The following RCBTB1 variants were observed in gnomAD, a reference collection of about 807,000 sequenced individuals.
RCBTB1 encodes the protein RCC1 and BTB domain containing protein 1, also known as RCC1 and BTB domain-containing protein 1.
A neutral mutation model predicts 62.4 loss-of-function variants in RCBTB1; 46 were observed. The ratio of observed to expected loss-of-function variants is 0.74; its 90% CI spans 0.58 to 0.94. The LOEUF (loss-of-function observed/expected upper bound fraction) is 0.94, where lower values mean the gene tolerates loss of function less well. Among genes scored for constraint, RCBTB1 ranks in the 40% least tolerant of loss-of-function variants. RCBTB1 has a pLI of 0.00. For synonymous variants in RCBTB1, 222 were observed against 245.8 expected (o/e 0.90, Z 0.91); for missense variants, 565 against 654.9 (o/e 0.86, Z 1.50).
intron 2 of RCBTB1, among the ~76,000 whole-genome samples, chr13:49,577,204 T>C (rs2137380448): frequency 6.6e-6 from 1 of 152,348 alleles, no homozygotes; most frequent in African/African-American, 2.4e-5. Context: ...CATTTAGAAC[T>C]GGAAGGCTGA....
intron 2 of RCBTB1, among the ~76,000 whole-genome samples, chr13:49,575,775 T>G (rs1484471354): frequency 6.6e-6 from 1 of 152,148 alleles, no homozygotes; most frequent in Admixed American, 6.6e-5. Context: ...GCTAAAAAAC[T>G]ACCTATTGGA....
intron 11 of RCBTB1, 23 bp from the exon 12 acceptor site, chr13:49,541,029 G>C: frequency 6.2e-7 from 1 of 1,602,226 alleles, no homozygotes; most frequent in Non-Finnish European, 8.5e-7. Context: ...TATGTGAAAG[G>C]TTTAATCAAA....
chr13:49,564,004 G>T (rs938465962), intron 4 of RCBTB1, among the ~76,000 whole-genome samples: 5 of 152,196 alleles, frequency 3.3e-5, no homozygotes, highest in African/African-American at 1.2e-4. Context: ...GAGAAAGAGA[G>T]CAAGAGTTAA....
At chr13:49,548,192 C>A (rs1369873606) in intron 9 of RCBTB1, among the ~76,000 whole-genome samples, 3 of 151,794 alleles carry the variant, frequency 2.0e-5, no homozygotes, top group Non-Finnish European at 4.4e-5. Context: ...GAGTTCCTGA[C>A]CAGCCTGATC....
intron 4 of RCBTB1, among the ~76,000 whole-genome samples, chr13:49,564,994 GTCCCGCTCCCGCTCCCATTCCCAC>G (rs1390312208): frequency 3.9e-5 from 6 of 152,086 alleles, no homozygotes; most frequent in Non-Finnish European, 5.9e-5. Flanking sequence ...GATTGCAGCT[GTCCCGCTCCCGCTCCCATTCCCAC>G]TCCCGCTCCC....
intron 3 of RCBTB1, 31 bp from the exon 4 acceptor site, chr13:49,566,799 T>C (rs775320050): frequency 1.9e-6 from 3 of 1,581,498 alleles, no homozygotes; most frequent in Admixed American, 1.8e-5. Flanking sequence ...TTTCTGAGTC[T>C]TTTGACCGAA....
At position 49,555,759 on chromosome 13, in the gene RCBTB1, T is replaced by C; in HGVS notation, c.445-86A>G. 3 of 997,278 alleles carry C rather than the reference T, an allele frequency of 3.0e-6. No individual in the cohort carries two copies. In the South Asian group the frequency reaches 5.0e-5, roughly 17 times the overall value. The allele number at this position is 997,278 out of a possible 1,614,324, so 61.8% of individuals were successfully genotyped here. On this transcript the variant is annotated intron_variant, in intron 5 of 12. Transcript: ENST00000378302. ...CAAATAATCATAAAAATTAAAATTA[T>C]CCTACTTAATGAGTACTTAAGATGT...
chr13:49,543,139 T>C (rs1023976233), intron 10 of RCBTB1, among the ~76,000 whole-genome samples: 1 of 152,036 alleles, frequency 6.6e-6, no homozygotes, highest in African/African-American at 2.4e-5. Flanking sequence ...TAGTGCACGA[T>C]TGTAATCCCA....
At chr13:49,565,163 C>T (rs545366755) in intron 4 of RCBTB1, among the ~76,000 whole-genome samples, 10 of 152,318 alleles carry the variant, frequency 6.6e-5, no homozygotes, top group Admixed American at 3.3e-4. Context: ...TGCAGGGGCG[C>T]GCCGCCACAC....
intron 5 of RCBTB1, among the ~76,000 whole-genome samples, chr13:49,558,804 T>C (rs1962173938): frequency 6.6e-6 from 1 of 152,060 alleles, no homozygotes; most frequent in Non-Finnish European, 1.5e-5. Context: ...TTTGTGATCG[T>C]TTGCTTTTGA....
chr13:49,550,264 C>G (rs1424648238), intron 8 of RCBTB1: 2 of 183,638 alleles, frequency 1.1e-5, no homozygotes, highest in Non-Finnish European at 2.1e-5. Flanking sequence ...CAGGTGTAAG[C>G]CATCGTGCCT....
intron 1 of RCBTB1, among the ~76,000 whole-genome samples, chr13:49,581,131 C>G (rs1025688404): frequency 5.3e-5 from 8 of 152,188 alleles, no homozygotes; most frequent in African/African-American, 1.9e-4. Context: ...GGGTCTTAAG[C>G]AGGGAAGTGG....
In RCBTB1 at chr13:49,544,501, C is replaced by T. The variant is rs370699299; in HGVS notation, c.1172+236G>A. Among the ~76,000 whole-genome samples, 37 of 141,316 alleles carry T rather than the reference C, an allele frequency of 2.6e-4. 1 individual carries two copies. Among genetic ancestry groups the T allele is most frequent in the Middle Eastern group, 7.4e-3 (2 of 272 alleles). The allele number at this position is 141,316 out of a possible 152,430, so 92.7% of individuals were successfully genotyped here. A position where few individuals can be genotyped will look rare whatever the true frequency, so the allele number is the denominator to read the frequency against. ...ACAAACAAACAAACAAACAAACAAA[C>T]ACAAAAAACCAATATGGACAAATAC... On this transcript the variant is annotated intron_variant, in intron 10 of 12. Coordinates refer to ENST00000378302, the MANE Select transcript of RCBTB1 (RefSeq NM_018191.4).
In RCBTB1 at chr13:49,559,902, A is replaced by G; in HGVS notation, c.444+16T>C. The stretch of plus-strand genomic sequence containing the variant: ...TGAAAAAAAAAAAGAATAAAGAATA[A>G]AAGCAGCATACTTACCTCTCCATCA... On this transcript the variant is annotated intron_variant, in intron 5 of 12. Transcript: ENST00000378302. The G allele has an allele frequency of 6.3e-7, 1 of 1,590,148 alleles. No individual in the cohort carries two copies. Among genetic ancestry groups the G allele is most frequent in the Non-Finnish European group, 8.5e-7 (1 of 1,173,044 alleles).
intron 3 of RCBTB1, 75 bp from the exon 4 acceptor site, chr13:49,566,843 A>T: frequency 7.2e-7 from 1 of 1,384,816 alleles, no homozygotes; most frequent in Non-Finnish European, 9.8e-7. Flanking sequence ...CTCCTCTGAA[A>T]ATAAGACATT....
In RCBTB1 at chr13:49,581,396, TGA is replaced by T. The variant is rs1298998294; in HGVS notation, c.-121-814_-121-813del. On this transcript the variant is annotated intron_variant, in intron 1 of 12. Coordinates refer to ENST00000378302, the MANE Select transcript of RCBTB1 (RefSeq NM_018191.4). Reference sequence around the variant, plus strand: ...ATCACAGGCAGACGCTGAGCTTGAGTGAGAGAGAACTGTGCTGCCACTCACTA... The same window carrying T: ...ATCACAGGCAGACGCTGAGCTTGAGTGAGAGAACTGTGCTGCCACTCACTA... Among the ~76,000 whole-genome samples the T allele has an allele frequency of 6.6e-5, 10 of 152,122 alleles. No individual in the cohort carries two copies. In the East Asian group the frequency reaches 1.7e-3, roughly 26 times the overall value.
chr13:49,569,859 G>A (rs868692270), intron 2 of RCBTB1, among the ~76,000 whole-genome samples: 2 of 152,100 alleles, frequency 1.3e-5, no homozygotes, highest in African/African-American at 4.8e-5. Context: ...GTTGAGCCGA[G>A]ATCACAACGC....
intron 5 of RCBTB1, among the ~76,000 whole-genome samples, chr13:49,556,133 T>C (rs1479300589): frequency 6.6e-6 from 1 of 151,898 alleles, no homozygotes; most frequent in Admixed American, 6.6e-5. Flanking sequence ...AAACATTTGC[T>C]CAACTCTTTG....
intron 2 of RCBTB1, among the ~76,000 whole-genome samples, chr13:49,576,613 A>C (rs1405712185): frequency 6.6e-6 from 1 of 152,214 alleles, no homozygotes; most frequent in Non-Finnish European, 1.5e-5. Flanking sequence ...CAAATTGCTA[A>C]GATGACAGGT....
Sources: allele counts gnomAD v4.1 joint callset (sites outside exome capture counted in the v4.1 genomes callset), GRCh38; gene constraint gnomAD v4.1.1; transcripts MANE v1.5; gene names NCBI Gene and HGNC (gene_info 2026-07-23, HGNC 2026-07-21).